The following DTNB variants were observed in gnomAD, a reference collection of about 807,000 sequenced individuals.
DTNB encodes the protein dystrobrevin beta, also known as DTN-B.
Under a neutral mutation model 90.7 loss-of-function variants are expected in DTNB, and 63 were observed. The observed-to-expected ratio is 0.69, with a 90% CI of 0.57 to 0.86. The LOEUF (loss-of-function observed/expected upper bound fraction) is 0.86. Among genes scored for constraint, DTNB ranks in the 40% least tolerant of loss-of-function variants. The pLI, the probability that DTNB is intolerant of heterozygous loss-of-function variation, is 0.00. For missense variants in DTNB, 744 were observed against 807.1 expected, an observed-to-expected ratio of 0.92 and a Z score of 0.95; for synonymous variants, 277 against 286.7, an observed-to-expected ratio of 0.97 and a Z score of 0.34.
chr2:25,486,842 A>C (rs1309428685), intron 9 of DTNB, among the ~76,000 whole-genome samples: 1 of 152,176 alleles, frequency 6.6e-6, no homozygotes, highest in Non-Finnish European at 1.5e-5. Flanking sequence ...AAACCAGTTG[A>C]ATACCTTGAG....
intron 10 of DTNB, among the ~76,000 whole-genome samples, chr2:25,464,853 A>C (rs2061525379): frequency 6.6e-6 from 1 of 152,220 alleles, no homozygotes. Flanking sequence ...AGTACTCCTC[A>C]AAACTGCCAA....
chr2:25,408,688 A>G (rs2045894156), intron 16 of DTNB, among the ~76,000 whole-genome samples: 1 of 152,162 alleles, frequency 6.6e-6, no homozygotes. Context: ...AAGTATGATT[A>G]GGAGTAAATG....
chr2:25,400,168 C>T (rs896100652), intron 16 of DTNB, among the ~76,000 whole-genome samples: 1 of 152,244 alleles, frequency 6.6e-6, no homozygotes. Flanking sequence ...TAAGTACAAA[C>T]TGGAGTGTGT....
intron 16 of DTNB, among the ~76,000 whole-genome samples, chr2:25,404,100 T>C (rs1051010965): frequency 3.3e-5 from 5 of 152,164 alleles, no homozygotes; most frequent in South Asian, 4.1e-4. Flanking sequence ...CTTGGCTCCA[T>C]AGAGTGACAC....
At chr2:25,501,920 T>G (rs1457247466) in intron 9 of DTNB, among the ~76,000 whole-genome samples, 6 of 152,130 alleles carry the variant, frequency 3.9e-5, no homozygotes, top group Non-Finnish European at 7.4e-5. Context: ...ATGCAGAGGC[T>G]CATGCATGTA....
chr2:25,621,405 T>C (rs891603193), intron 4 of DTNB, among the ~76,000 whole-genome samples: 4 of 151,872 alleles, frequency 2.6e-5, no homozygotes, highest in African/African-American at 7.3e-5. Context: ...GGGGGAACAA[T>C]ATAACTTTTT....
intron 6 of DTNB, among the ~76,000 whole-genome samples, chr2:25,582,587 T>C (rs2061712214): frequency 6.6e-6 from 1 of 152,092 alleles, no homozygotes; most frequent in African/African-American, 2.4e-5. Flanking sequence ...GTTAAGTAAT[T>C]GGACAGTTCC....
chr2:25,603,517 G>C (rs1441138678), intron 5 of DTNB, among the ~76,000 whole-genome samples: 1 of 152,072 alleles, frequency 6.6e-6, no homozygotes, highest in Non-Finnish European at 1.5e-5. Context: ...TCTAAGAAAT[G>C]TTTTAAACAG....
At chr2:25,472,092 CAAG>C (rs2062919207) in intron 10 of DTNB, among the ~76,000 whole-genome samples, 3 of 152,134 alleles carry the variant, frequency 2.0e-5, no homozygotes, top group South Asian at 4.1e-4. Flanking sequence ...CAAGCAGCAG[CAAG>C]AAGATTTTGA....
chr2:25,506,876 A>C (rs932443178), intron 9 of DTNB, among the ~76,000 whole-genome samples: 1 of 152,220 alleles, frequency 6.6e-6, no homozygotes, highest in Non-Finnish European at 1.5e-5. Flanking sequence ...TCTACCAAAG[A>C]ATCATTATCA....
Position 25,473,248 on chromosome 2 carries a change from G to C in DTNB, c.1079+9548C>G, listed in dbSNP as rs192521720. The stretch of plus-strand genomic sequence containing the variant: ...TGAGCTGAAATATTTTACTAGTTTG[G>C]TATTAAGAGGAGTGAAAAAAAATCT... On this transcript the variant is annotated intron_variant, in intron 10 of 20. Coordinates refer to ENST00000406818, the MANE Select transcript of DTNB (RefSeq NM_021907.5). Among the ~76,000 whole-genome samples, 5 of 152,248 alleles carry C rather than the reference G, an allele frequency of 3.3e-5. No individual in the cohort carries two copies. The East Asian group carries it at 7.7e-4, about 23-fold the overall frequency.
intron 10 of DTNB, among the ~76,000 whole-genome samples, chr2:25,460,683 C>G (rs1353659172): frequency 2.0e-5 from 3 of 152,108 alleles, no homozygotes; most frequent in African/African-American, 7.2e-5. Flanking sequence ...AAACTGACCA[C>G]TGGATTCTGT....
At chr2:25,596,048 C>A (rs373183195) in intron 6 of DTNB, 38 bp downstream of exon 6, 11 of 1,512,448 alleles carry the variant, frequency 7.3e-6, no homozygotes, top group Non-Finnish European at 8.8e-6. Context: ...GAGGGAAGAG[C>A]GCTCTTCTAG....
At chr2:25,384,330 G>A (rs1253052545) in intron 18 of DTNB, among the ~76,000 whole-genome samples, 1 of 152,194 alleles carries the variant, frequency 6.6e-6, no homozygotes, top group Non-Finnish European at 1.5e-5. Context: ...TGTTTTAGCT[G>A]ATGATAAACT....
chr2:25,576,917 A>C lies in DTNB; in HGVS notation c.797T>G (p.Leu266Arg). 6.2e-7 allele frequency: 1 copy of C among 1,613,354 alleles called. No homozygotes were observed. The highest frequency in any genetic ancestry group is 8.5e-7 in the Non-Finnish European group (1 of 1,179,690). The change falls in exon 8 of 21, where the codon CTC (leucine) becomes CGC (arginine). Residue 266 changes from leucine to arginine, a missense_variant. Transcript: ENST00000406818. ...YRCQQCHNYQ[L>R]CQNCFWRGHA... ...GCCACGCCAAAAGCAATTCTGGCAG[A>C]GCTGATAGTTGTGGCACTGCTGGCA...
chr2:25,628,508 G>T, intron 3 of DTNB, 124 bp from the exon 4 acceptor site: 1 of 897,854 alleles, frequency 1.1e-6, no homozygotes, highest in East Asian at 2.7e-5. Flanking sequence ...AGCCAACAAT[G>T]AGGAAAACAT....
chr2:25,456,859 C>T (rs1339687534), intron 10 of DTNB, among the ~76,000 whole-genome samples: 3 of 151,518 alleles, frequency 2.0e-5, no homozygotes, highest in Admixed American at 6.6e-5. Flanking sequence ...TGAGCCACTG[C>T]GCCCGGCCCC....
At chr2:25,532,302 G>C (rs2078387294) in intron 8 of DTNB, among the ~76,000 whole-genome samples, 1 of 146,192 alleles carries the variant, frequency 6.8e-6, no homozygotes, top group Non-Finnish European at 1.5e-5. Flanking sequence ...AAAAGGCTAA[G>C]AGCACACAGC....
Position 25,408,742 on chromosome 2 carries a change from T to G in DTNB, c.1575+10773A>C, listed in dbSNP as rs145798891. Among the ~76,000 whole-genome samples the G allele has an allele frequency of 5.3e-5, 8 of 152,270 alleles. No individual in the cohort carries two copies. The East Asian group carries it at 1.5e-3, about 29-fold the overall frequency. ...TATGGAACTTGTTATAACATGCATC[T>G]TTTAGCTGAAACTAAGCAGATGTTC... On this transcript the variant is annotated intron_variant, in intron 16 of 20. Transcript: ENST00000406818.
Sources: allele counts gnomAD v4.1 joint callset (sites outside exome capture counted in the v4.1 genomes callset), GRCh38; gene constraint gnomAD v4.1.1; transcripts MANE v1.5; gene names NCBI Gene and HGNC (gene_info 2026-07-23, HGNC 2026-07-21).